Variants in CNTNAP2 observed in about 807,000 individuals in gnomAD.
CNTNAP2 encodes the protein contactin-associated protein-like 2.
A neutral mutation model predicts 155.2 loss-of-function variants in CNTNAP2; 98 were observed. The observed-to-expected ratio is 0.63, with a 90% CI of 0.54 to 0.75. The LOEUF (loss-of-function observed/expected upper bound fraction) is 0.75, where lower values mean the gene tolerates loss of function less well. Ranked by LOEUF, CNTNAP2 falls within the 30% of genes least tolerant of loss-of-function variation. CNTNAP2 has a pLI of 0.00. For synonymous variants in CNTNAP2, 651 were observed against 631.2 expected, an observed-to-expected ratio of 1.03 and a Z score of -0.47; for missense variants, 1,727 against 1,688.1, an observed-to-expected ratio of 1.02 and a Z score of -0.40.
At chr7:146,634,137 C>T (rs1472491431) in intron 1 of CNTNAP2, among the ~76,000 whole-genome samples, 1 of 152,164 alleles carries the variant, frequency 6.6e-6, no homozygotes, top group African/African-American at 2.4e-5. Flanking sequence ...CACTGGTACA[C>T]ATTTGCCAAT....
chr7:148,238,802 G>T (rs1796092858), intron 20 of CNTNAP2, among the ~76,000 whole-genome samples: 1 of 152,122 alleles, frequency 6.6e-6, no homozygotes, highest in African/African-American at 2.4e-5. Flanking sequence ...ATGGAGCCCA[G>T]ACTGAAATTA....
At chr7:147,434,178 T>C (rs4621717) in intron 10 of CNTNAP2, among the ~76,000 whole-genome samples, 31,257 of 152,112 alleles carry the variant, frequency 0.21, 3,440 homozygotes, top group East Asian at 0.36. Context: ...CTCTATTTGC[T>C]AATAGTTGTA....
At chr7:146,763,436 C>CATCT (rs887209594) in intron 1 of CNTNAP2, among the ~76,000 whole-genome samples, 1 of 152,068 alleles carries the variant, frequency 6.6e-6, no homozygotes, top group Non-Finnish European at 1.5e-5. Flanking sequence ...TAATTAACAC[C>CATCT]ATCTGAAATA....
intron 7 of CNTNAP2, among the ~76,000 whole-genome samples, chr7:147,130,325 G>T: frequency 6.6e-6 from 1 of 151,982 alleles, no homozygotes; most frequent in Non-Finnish European, 1.5e-5. Flanking sequence ...AATGGTGCAT[G>T]CATGTAGTCC....
At chr7:146,579,414 A>G (rs1798576216) in intron 1 of CNTNAP2, among the ~76,000 whole-genome samples, 1 of 152,090 alleles carries the variant, frequency 6.6e-6, no homozygotes, top group Non-Finnish European at 1.5e-5. Context: ...CGCTCCATTG[A>G]CTAATGAGAA....
chr7:146,932,122 G>A (rs1796774124), intron 3 of CNTNAP2, among the ~76,000 whole-genome samples: 1 of 152,054 alleles, frequency 6.6e-6, no homozygotes, highest in South Asian at 2.1e-4. Context: ...AAGCCTGGCA[G>A]AGACACAACC....
At chr7:147,643,764 G>A (rs1408780966) in intron 13 of CNTNAP2, among the ~76,000 whole-genome samples, 1 of 152,062 alleles carries the variant, frequency 6.6e-6, no homozygotes, top group African/African-American at 2.4e-5. Flanking sequence ...AGAGCTTTAC[G>A]CTCAAGAGTT....
chr7:147,010,554 G>A (rs1419042344), intron 3 of CNTNAP2, among the ~76,000 whole-genome samples: 1 of 152,050 alleles, frequency 6.6e-6, no homozygotes, highest in African/African-American at 2.4e-5. Context: ...TGAGTTTAGA[G>A]GGGATACCAT....
rs1362094935 is a variant in CNTNAP2 at position 146,801,971 on chromosome 7, A to G, written c.208+27590A>G. Among the ~76,000 whole-genome samples the G allele has an allele frequency of 5.3e-5, 8 of 152,344 alleles. No homozygotes were observed. The East Asian group carries it at 1.5e-3, about 29-fold the overall frequency. ...CTGGAAGGACTGTGGTGTTATTTACATCTATAGAAACATGATGGAAAACAC... is the reference window on the plus strand; with the variant it reads ...CTGGAAGGACTGTGGTGTTATTTACGTCTATAGAAACATGATGGAAAACAC... On this transcript the variant is annotated intron_variant, in intron 2 of 23. Coordinates refer to ENST00000361727, the MANE Select transcript of CNTNAP2 (RefSeq NM_014141.6).
At chr7:147,897,879 A>G (rs1799801254) in intron 13 of CNTNAP2, among the ~76,000 whole-genome samples, 1 of 152,206 alleles carries the variant, frequency 6.6e-6, no homozygotes, top group African/African-American at 2.4e-5. Context: ...CTGATGGAAA[A>G]AGAAAGGAGA....
chr7:146,699,090 A>G (rs181973464), intron 1 of CNTNAP2, among the ~76,000 whole-genome samples: 2 of 152,258 alleles, frequency 1.3e-5, no homozygotes, highest in East Asian at 3.9e-4. Flanking sequence ...TCCCAGTTCA[A>G]TAATTGCAAA....
chr7:147,626,289 G>A lies in CNTNAP2; in HGVS notation c.1898-12817G>A, dbSNP rs190390809. On this transcript the variant is annotated intron_variant, in intron 12 of 23. Coordinates refer to ENST00000361727, the MANE Select transcript of CNTNAP2 (RefSeq NM_014141.6). ...TTAGTGGGGAAGTCTATGTCCTCAG[G>A]CAAGGTCTTATTGGGGCACTGTGGG... Among the ~76,000 whole-genome samples the A allele has an allele frequency of 1.9e-3, 288 of 152,146 alleles. 2 individuals are homozygous for A. The highest frequency in any genetic ancestry group is 6.9e-3 in the African/African-American group (285 of 41,504).
intron 1 of CNTNAP2, among the ~76,000 whole-genome samples, chr7:146,662,378 C>A (rs1219734685): frequency 6.6e-6 from 1 of 152,152 alleles, no homozygotes; most frequent in East Asian, 1.9e-4. Flanking sequence ...CTCAGTTGAT[C>A]CGCCCACCTC....
At chr7:148,220,695 T>C (rs1397046948) in intron 19 of CNTNAP2, among the ~76,000 whole-genome samples, 1 of 152,154 alleles carries the variant, frequency 6.6e-6, no homozygotes, top group Admixed American at 6.5e-5. Flanking sequence ...TGATTTTTTT[T>C]TCTCCTGAGC....
At chr7:147,524,778 G>T (rs1799288996) in intron 11 of CNTNAP2, among the ~76,000 whole-genome samples, 1 of 152,206 alleles carries the variant, frequency 6.6e-6, no homozygotes, top group Admixed American at 6.5e-5. Context: ...GAGTCCCCAG[G>T]AGAGGGACCA....
chr7:147,818,175 T>G (rs1798306159), intron 13 of CNTNAP2, among the ~76,000 whole-genome samples: 1 of 152,174 alleles, frequency 6.6e-6, no homozygotes. Context: ...GGCATCCTTA[T>G]TTTATCAAGT....
intron 13 of CNTNAP2, among the ~76,000 whole-genome samples, chr7:147,837,738 A>G (rs1031121849): frequency 3.3e-5 from 5 of 152,348 alleles, no homozygotes; most frequent in South Asian, 2.1e-4. Flanking sequence ...TAAAGGCCCT[A>G]TGCAAGTCCA....
chr7:148,232,578 T>A (rs1029374925), intron 20 of CNTNAP2, among the ~76,000 whole-genome samples: 4 of 152,184 alleles, frequency 2.6e-5, no homozygotes, highest in Non-Finnish European at 4.4e-5. Flanking sequence ...ATTCTGGTAG[T>A]CCCCAGTTAT....
chr7:146,893,107 T>A, intron 3 of CNTNAP2, among the ~76,000 whole-genome samples: 1 of 152,216 alleles, frequency 6.6e-6, no homozygotes, highest in East Asian at 1.9e-4. Context: ...ATGCATTTAT[T>A]TTATATCTCT....
Sources: gnomAD v4.1 joint callset for allele counts (sites outside exome capture counted in the v4.1 genomes callset) on GRCh38, gnomAD v4.1.1 for gene constraint, MANE v1.5 for transcripts, NCBI Gene and HGNC (gene_info 2026-07-23, HGNC 2026-07-21) for gene names.